ABCA4: variants seen among roughly 807,000 people sequenced by gnomAD.
The protein encoded by ABCA4 is retinal-specific phospholipid-transporting ATPase ABCA4.
Under a neutral mutation model 263.7 loss-of-function variants are expected in ABCA4, and 196 were observed. The observed-to-expected ratio is 0.74, with a 90% CI of 0.66 to 0.84. The LOEUF (loss-of-function observed/expected upper bound fraction) is 0.84. Ranked by LOEUF, ABCA4 falls within the 40% of genes least tolerant of loss-of-function variation. The pLI is 0.00. For missense variants in ABCA4, 2,792 were observed against 2,855.1 expected (o/e 0.98, Z 0.50); for synonymous variants, 1,133 against 1,094.2 (o/e 1.04, Z -0.70).
chr1:94,053,188 C>A (rs746375934), intron 16 of ABCA4, among the ~76,000 whole-genome samples: 3 of 152,202 alleles, frequency 2.0e-5, no homozygotes, highest in South Asian at 2.1e-4. Flanking sequence ...TGAGCTGCAT[C>A]CTTCATTTTA....
At position 94,062,638 on chromosome 1, in the gene ABCA4, C is replaced by G. The variant is rs1223304524; in HGVS notation, c.1876G>C (p.Ala626Pro). The change falls in exon 13 of 50, where the codon GCG becomes CCG. Residue 626 changes from alanine (A) to proline (P), a missense_variant. By Grantham distance (27) the Ala-to-Pro change is conservative. Coordinates refer to ENST00000370225, the MANE Select transcript of ABCA4 (RefSeq NM_000350.3). ...EQGITRSQVQ[A>P]EAPVGIYLQQ... ...AGGTAGATTCCAACTGGAGCCTCCG[C>G]CTGCACCTGGCTCCTTGTGATCCCC... is the stretch of plus-strand genomic sequence containing the variant. The G allele has an allele frequency of 6.2e-7, 1 of 1,614,182 alleles. No individual in the cohort carries two copies. Among genetic ancestry groups the G allele is most frequent in the Non-Finnish European group, 8.5e-7 (1 of 1,180,036 alleles).
intron 41 of ABCA4, 70 bp from the exon 42 acceptor site, chr1:94,008,367 A>G (rs1659455996): frequency 6.7e-7 from 1 of 1,489,700 alleles, no homozygotes; most frequent in East Asian, 2.3e-5. Context: ...GAGGGAACAA[A>G]GAGCAAAGGA....
chr1:94,083,007 G>C (rs1234554913), intron 7 of ABCA4, among the ~76,000 whole-genome samples: 1 of 152,226 alleles, frequency 6.6e-6, no homozygotes, highest in Non-Finnish European at 1.5e-5. Context: ...ATATATTTAT[G>C]TGAATTTTAA....
chr1:94,085,332 A>T (rs967698898), intron 6 of ABCA4, among the ~76,000 whole-genome samples: 2 of 152,202 alleles, frequency 1.3e-5, no homozygotes, highest in Non-Finnish European at 2.9e-5. Flanking sequence ...TCATTTTATT[A>T]TTCACTCTAC....
At position 94,008,776 on chromosome 1, in the gene ABCA4, A is replaced by G. The variant is rs765282381; in HGVS notation, c.5810T>C (p.Ile1937Thr). ...RIITGGNKTD[I>T]LRLHELTKIY... Reference sequence around the variant, plus strand: ...CTTGGTTAGTTCATGTAGCCTTAAGATGTCAGTTTTATTTCCACCAGTAAT... The same window carrying G: ...CTTGGTTAGTTCATGTAGCCTTAAGGTGTCAGTTTTATTTCCACCAGTAAT... Residue 1937 changes from isoleucine (I) to threonine (T), a missense_variant, in exon 41 of 50, where the codon ATC becomes ACC. Transcript: ENST00000370225. The G allele has an allele frequency of 3.7e-6, 6 of 1,613,826 alleles. No homozygotes were observed. The highest frequency in any genetic ancestry group is 3.4e-6 in the Non-Finnish European group (4 of 1,179,964).
chr1:94,078,560 C>CA, intron 10 of ABCA4, 30 bp downstream of exon 10: 1 of 839,602 alleles, frequency 1.2e-6, no homozygotes, highest in Non-Finnish European at 1.9e-6. Context: ...TCCTCCTCCC[C>CA]TCCCCTCCCC....
At chr1:94,037,012 T>C (rs1300149192) in intron 25 of ABCA4, 133 bp downstream of exon 25, 10 of 1,039,936 alleles carry the variant, frequency 9.6e-6, no homozygotes, top group Admixed American at 1.8e-5. Flanking sequence ...ATGCCAAAAA[T>C]AAAGATAGTT....
chr1:94,061,047 T>C (rs947715656), intron 13 of ABCA4, among the ~76,000 whole-genome samples: 68 of 152,328 alleles, frequency 4.5e-4, no homozygotes, highest in African/African-American at 1.5e-3. Context: ...TCAAAGATCT[T>C]CCCTGTAAGG....
chr1:94,026,332 C>A (rs1041546507), intron 30 of ABCA4, among the ~76,000 whole-genome samples: 11 of 152,182 alleles, frequency 7.2e-5, no homozygotes, highest in African/African-American at 2.7e-4. Flanking sequence ...GTGTGTCGGG[C>A]ACTATGTTAA....
chr1:94,005,377 A>G, intron 44 of ABCA4, 64 bp downstream of exon 44: 1 of 1,594,604 alleles, frequency 6.3e-7, no homozygotes, highest in South Asian at 1.1e-5. Flanking sequence ...AAGAGAATGC[A>G]CTCTCATGAA....
Position 94,040,124 on chromosome 1 carries a change from T to A in ABCA4, c.3526A>T (p.Thr1176Ser). Residue 1176 changes from threonine to serine, a missense_variant, in exon 24 of 50, where the codon ACC becomes TCC. Coordinates refer to ENST00000370225, the MANE Select transcript of ABCA4 (RefSeq NM_000350.3). ...AAACCCTTAGACGAGCAGCTGCAGG[T>A]CCCCTGCAACAGATGGATGGGATGA... The part of the protein sequence containing the change: ...IQSQRKGSEG[T>S]CSCSSKGFST... 1.2e-6 allele frequency: 2 copies of A among 1,605,552 alleles called. No homozygotes were observed. Among genetic ancestry groups the A allele is most frequent in the Non-Finnish European group, 1.7e-6 (2 of 1,175,208 alleles).
At chr1:94,074,170 T>A (rs1189787661) in intron 11 of ABCA4, among the ~76,000 whole-genome samples, 1 of 152,150 alleles carries the variant, frequency 6.6e-6, no homozygotes, top group South Asian at 2.1e-4. Flanking sequence ...AACAGACACA[T>A]AGACCAATGG....
chr1:94,095,516 C>A (rs1662100286), intron 6 of ABCA4, among the ~76,000 whole-genome samples: 1 of 152,200 alleles, frequency 6.6e-6, no homozygotes, highest in African/African-American at 2.4e-5. Flanking sequence ...TCCCGCACTG[C>A]AGCTAAGCAT....
At chr1:94,020,121 T>C (rs780776739) in intron 35 of ABCA4, among the ~76,000 whole-genome samples, 2 of 152,234 alleles carry the variant, frequency 1.3e-5, no homozygotes, top group Non-Finnish European at 2.9e-5. Context: ...GAATTTTCTA[T>C]GTTGACAGAC....
At chr1:94,003,004 C>T (rs1659235274) in intron 44 of ABCA4, among the ~76,000 whole-genome samples, 1 of 152,126 alleles carries the variant, frequency 6.6e-6, no homozygotes, top group African/African-American at 2.4e-5. Context: ...CTCTCACACA[C>T]AATTTTTTGT....
intron 11 of ABCA4, among the ~76,000 whole-genome samples, chr1:94,072,240 A>T (rs899178093): frequency 6.6e-6 from 1 of 152,258 alleles, no homozygotes; most frequent in South Asian, 2.1e-4. Context: ...CTGTGTTGAC[A>T]GCAGAGGAAA....
At chr1:94,091,867 G>A (rs574743665) in intron 6 of ABCA4, among the ~76,000 whole-genome samples, 24 of 152,318 alleles carry the variant, frequency 1.6e-4, no homozygotes, top group African/African-American at 5.8e-4. Context: ...GATGATTCCG[G>A]CCCTAAGAGG....
At chr1:94,008,573 C>G (rs1166896990) in intron 41 of ABCA4, among the ~76,000 whole-genome samples, 178 bp downstream of exon 41, 1 of 152,112 alleles carries the variant, frequency 6.6e-6, no homozygotes, top group African/African-American at 2.4e-5. Context: ...GCAGGGAACA[C>G]ACATTGGAAT....
At chr1:93,997,725 T>C in intron 48 of ABCA4, 136 bp downstream of exon 48, 1 of 1,160,358 alleles carries the variant, frequency 8.6e-7, no homozygotes, top group Non-Finnish European at 1.2e-6. Context: ...TATATCAGCT[T>C]TTACCCCAAT....
Sources: gnomAD v4.1 joint callset for allele counts (sites outside exome capture counted in the v4.1 genomes callset) on GRCh38, gnomAD v4.1.1 for gene constraint, MANE v1.5 for transcripts, NCBI Gene and HGNC (gene_info 2026-07-23, HGNC 2026-07-21) for gene names.